GFRA2: variants seen among roughly 807,000 people sequenced by gnomAD.
GFRA2 encodes GDNF family receptor alpha 2, also known as GDNF family receptor alpha-2.
A neutral mutation model predicts 48.3 loss-of-function variants in GFRA2; 17 were observed. The observed-to-expected ratio is 0.35, with a 90% confidence interval of 0.24 to 0.53. GFRA2 has a LOEUF of 0.53. Ranked by LOEUF, GFRA2 falls within the 20% of genes least tolerant of loss-of-function variation. GFRA2 has a pLI of 0.93. For synonymous variants in GFRA2, 305 were observed against 257.2 expected (o/e 1.19, Z -1.78); for missense variants, 660 against 637.3 (o/e 1.04, Z -0.38).
chr8:21,756,468 C>T (rs1053851919), intron 3 of GFRA2, among the ~76,000 whole-genome samples: 6 of 152,164 alleles, frequency 3.9e-5, no homozygotes, highest in East Asian at 1.9e-4. Flanking sequence ...AGGCAGCCTG[C>T]GCTGCGTTTT....
At chr8:21,709,044 G>C (rs1173002039) in intron 4 of GFRA2, among the ~76,000 whole-genome samples, 1 of 152,170 alleles carries the variant, frequency 6.6e-6, no homozygotes, top group Non-Finnish European at 1.5e-5. Flanking sequence ...GCTGCAGGTG[G>C]GCAAGAAGAT....
chr8:21,721,467 G>A (rs569486764), intron 4 of GFRA2, among the ~76,000 whole-genome samples: 3 of 152,322 alleles, frequency 2.0e-5, no homozygotes, highest in Admixed American at 2.0e-4. Flanking sequence ...GCTGGGTAGA[G>A]TGTCCATTCT....
At chr8:21,766,476 T>C (rs1806156968) in intron 3 of GFRA2, among the ~76,000 whole-genome samples, 1 of 151,824 alleles carries the variant, frequency 6.6e-6, no homozygotes, top group Non-Finnish European at 1.5e-5. Context: ...TATCTGGGGA[T>C]AAATTCACAC....
intron 1 of GFRA2, 23 bp downstream of exon 1, chr8:21,788,094 CGAG>C: frequency 7.1e-7 from 1 of 1,400,202 alleles, no homozygotes. Context: ...GCCTCCCCCT[CGAG>C]CTCGCCGCCC....
At chr8:21,694,632 AGCGC>A in intron 7 of GFRA2, 115 bp from the exon 8 acceptor site, 1 of 916,160 alleles carries the variant, frequency 1.1e-6, no homozygotes, top group Non-Finnish European at 1.7e-6. Flanking sequence ...AAGCACAGCC[AGCGC>A]ACACGGTGAA....
At chr8:21,713,303 G>A (rs1190959705) in intron 4 of GFRA2, among the ~76,000 whole-genome samples, 2 of 151,606 alleles carry the variant, frequency 1.3e-5, no homozygotes, top group Admixed American at 6.6e-5. Flanking sequence ...GTGATTCTCA[G>A]CACCCCCGCC....
chr8:21,756,173 G>T (rs1266305253), intron 3 of GFRA2, among the ~76,000 whole-genome samples: 3 of 152,234 alleles, frequency 2.0e-5, no homozygotes, highest in African/African-American at 4.8e-5. Flanking sequence ...CCTCTCAGCA[G>T]GTTCCTGAGC....
At chr8:21,754,628 C>A (rs1005503324) in intron 3 of GFRA2, among the ~76,000 whole-genome samples, 1 of 151,440 alleles carries the variant, frequency 6.6e-6, no homozygotes, top group South Asian at 2.1e-4. Context: ...CCTGCTTCAG[C>A]CTCCTGAGTA....
At chr8:21,728,923 T>C (rs1585263759) in intron 4 of GFRA2, among the ~76,000 whole-genome samples, 2 of 152,334 alleles carry the variant, frequency 1.3e-5, no homozygotes, top group South Asian at 4.2e-4. Context: ...GAGGGGGTAG[T>C]TCTCCTCTGC....
intron 6 of GFRA2, among the ~76,000 whole-genome samples, chr8:21,703,301 C>T (rs960362299): frequency 8.6e-5 from 13 of 152,014 alleles, no homozygotes; most frequent in African/African-American, 2.9e-4. Flanking sequence ...AGGAGGGGGC[C>T]ACCTCCTCTG....
At chr8:21,793,004 T>C (rs1209124089), upstream of GFRA2, among the ~76,000 whole-genome samples, 1 of 151,274 alleles carries the variant, frequency 6.6e-6, no homozygotes, top group Non-Finnish European at 1.5e-5. Flanking sequence ...GAGGGAGAGG[T>C]TGCGGTGAGT....
chr8:21,774,890 G>A lies in GFRA2; in HGVS notation c.439+82C>T, dbSNP rs1347628851. On this transcript the variant is annotated intron_variant, in intron 3 of 8. Coordinates refer to ENST00000524240, the MANE Select transcript of GFRA2 (RefSeq NM_001495.5). ...CAGGGCCATCATCGGACGCCAGGAT[G>A]CCTGTCCAAGCCCAGAGCTCCATCT... 10 of 761,222 alleles carry A rather than the reference G, an allele frequency of 1.3e-5. No homozygotes were observed. In the East Asian group the frequency reaches 2.5e-4, roughly 19 times the overall value. 47.2% of individuals were successfully genotyped at this position (761,222 alleles called of 1,614,324 possible).
At chr8:21,784,306 C>G (rs1225151425) in intron 1 of GFRA2, 1 of 456,130 alleles carries the variant, frequency 2.2e-6, no homozygotes, top group Non-Finnish European at 4.4e-6. Flanking sequence ...AGGAAAAGCC[C>G]GCACCATGGC....
chr8:21,703,876 T>C (rs895945888), intron 6 of GFRA2, among the ~76,000 whole-genome samples: 6 of 152,194 alleles, frequency 3.9e-5, no homozygotes, highest in Non-Finnish European at 8.8e-5. Context: ...CTGTCAGAAT[T>C]GATTCACTCT....
intron 4 of GFRA2, among the ~76,000 whole-genome samples, chr8:21,741,917 T>A (rs985648458): frequency 5.2e-5 from 6 of 114,454 alleles, no homozygotes; most frequent in East Asian, 2.3e-4. Context: ...CAAGACTCCA[T>A]CTCAAAAAAA....
intron 4 of GFRA2, among the ~76,000 whole-genome samples, chr8:21,741,709 G>A (rs1804752176): frequency 6.6e-6 from 1 of 152,072 alleles, no homozygotes; most frequent in Non-Finnish European, 1.5e-5. Flanking sequence ...AGATCACGAG[G>A]TCAGGAGTTC....
intron 4 of GFRA2, among the ~76,000 whole-genome samples, chr8:21,728,759 C>A (rs1026474485): frequency 1.3e-5 from 2 of 152,202 alleles, no homozygotes; most frequent in African/African-American, 2.4e-5. Flanking sequence ...TCTAATCCTG[C>A]GTCCTTATCT....
intron 1 of GFRA2, among the ~76,000 whole-genome samples, chr8:21,784,631 G>A (rs1295656608): frequency 2.0e-5 from 3 of 152,174 alleles, no homozygotes; most frequent in Non-Finnish European, 2.9e-5. Context: ...ATCCCTAGGG[G>A]ACAACAGAGA....
intron 1 of GFRA2, among the ~76,000 whole-genome samples, chr8:21,807,200 C>T (rs1807888839): frequency 6.6e-6 from 1 of 152,148 alleles, no homozygotes; most frequent in Non-Finnish European, 1.5e-5. Context: ...TCATTGACAG[C>T]CCACATGAAT....
Sources: gnomAD v4.1 joint callset for allele counts (sites outside exome capture counted in the v4.1 genomes callset) on GRCh38, gnomAD v4.1.1 for gene constraint, MANE v1.5 for transcripts, NCBI Gene and HGNC (gene_info 2026-07-23, HGNC 2026-07-21) for gene names.